LRRIQ1: variants seen among roughly 807,000 people sequenced by gnomAD.
LRRIQ1 encodes leucine rich repeats and IQ motif containing 1, also known as leucine-rich repeat- and IQ domain-containing protein 1.
A neutral mutation model predicts 211.9 loss-of-function variants in LRRIQ1; 210 were observed. The observed-to-expected ratio is 0.99, with a 90% CI of 0.89 to 1.11. LRRIQ1 has a LOEUF of 1.11. Among genes scored for constraint, LRRIQ1 ranks in the 50% most tolerant of loss-of-function variants. The pLI is 0.00. For synonymous variants in LRRIQ1, 699 were observed against 650.1 expected (o/e 1.08, Z -1.14); for missense variants, 2,136 against 1,939.5 (o/e 1.10, Z -1.90).
chr12:85,177,579 A>C (rs1891770005), intron 24 of LRRIQ1, among the ~76,000 whole-genome samples: 1 of 152,126 alleles, frequency 6.6e-6, no homozygotes, highest in African/African-American at 2.4e-5. Context: ...CAAAGAACTG[A>C]AAGAAGGTTG....
At chr12:85,232,492 T>A (rs939920288) in intron 25 of LRRIQ1, among the ~76,000 whole-genome samples, 4 of 152,188 alleles carry the variant, frequency 2.6e-5, no homozygotes, top group African/African-American at 9.6e-5. Flanking sequence ...TTATTAGAAA[T>A]TGAGTTTTAT....
At chr12:85,182,643 C>T (rs1451513712) in intron 24 of LRRIQ1, among the ~76,000 whole-genome samples, 1 of 151,960 alleles carries the variant, frequency 6.6e-6, no homozygotes, top group Non-Finnish European at 1.5e-5. Flanking sequence ...CAATAGAGGC[C>T]CGCACATTGA....
chr12:85,096,249 T>C lies in LRRIQ1; in HGVS notation c.2888-2106T>C, dbSNP rs142192503. Among the ~76,000 whole-genome samples, 890 of 152,268 alleles carry C rather than the reference T, an allele frequency of 5.8e-3. 5 individuals are homozygous for C. Among genetic ancestry groups the C allele is most frequent in the Middle Eastern group, 0.024 (7 of 294 alleles). On this transcript the variant is annotated intron_variant, in intron 11 of 26. Transcript: ENST00000393217. The stretch of plus-strand genomic sequence containing the variant: ...GGTATTCTAGTTCCAGTAGGCATGA[T>C]GTTAAATTGTTAATTTGAGATTTTT...
intron 15 of LRRIQ1, among the ~76,000 whole-genome samples, chr12:85,119,655 T>C (rs1887831095): frequency 6.6e-6 from 1 of 152,220 alleles, no homozygotes; most frequent in Admixed American, 6.5e-5. Context: ...TCTTGCTCTA[T>C]ATCTTCACCA....
At chr12:85,162,798 GTAAAGTA>G (rs1233259513) in intron 24 of LRRIQ1, 3 of 455,676 alleles carry the variant, frequency 6.6e-6, no homozygotes, top group Non-Finnish European at 1.3e-5. Flanking sequence ...TTGGAACCAG[GTAAAGTA>G]CATTTGGCAT....
rs781056317 is a variant in LRRIQ1, at chr12:85,124,515, A to C, written c.4003A>C (p.Lys1335Gln). Residue 1335 changes from lysine to glutamine, a missense_variant, in exon 17 of 27, where the codon AAA (lysine) becomes CAA (glutamine). Physicochemically the swap from Lys to Gln is moderately conservative, Grantham distance 53. Transcript: ENST00000393217. ...TCACCAAAATATTGAGCCTAGTGAA[A>C]AAATGTAAGATATATAAATAATGTT... is the stretch of plus-strand genomic sequence containing the variant. Reference protein sequence around the residue: ...RNHQNIEPSEKIMAAVVIQSY... With the variant: ...RNHQNIEPSEQIMAAVVIQSY... The C allele has an allele frequency of 1.2e-6, 2 of 1,600,826 alleles. No homozygotes were observed. The highest frequency in any genetic ancestry group is 2.7e-5 in the African/African-American group (2 of 74,664).
chr12:85,225,877 T>C (rs1894627225), intron 24 of LRRIQ1, among the ~76,000 whole-genome samples: 1 of 152,222 alleles, frequency 6.6e-6, no homozygotes, highest in Admixed American at 6.5e-5. Context: ...TTTCTCTTCC[T>C]CAGTAACAGG....
At chr12:85,098,253 G>A in intron 11 of LRRIQ1, 102 bp from the exon 12 acceptor site, 1 of 693,718 alleles carries the variant, frequency 1.4e-6, no homozygotes, top group Non-Finnish European at 2.3e-6. Context: ...TAATGATAGT[G>A]AGAAATACAA....
At chr12:85,182,677 A>G (rs1565888751) in intron 24 of LRRIQ1, among the ~76,000 whole-genome samples, 1 of 152,148 alleles carries the variant, frequency 6.6e-6, no homozygotes, top group East Asian at 1.9e-4. Flanking sequence ...TTTTAAGGGA[A>G]TTAATGGCTC....
At chr12:85,084,390 A>G (rs1884604797) in intron 11 of LRRIQ1, among the ~76,000 whole-genome samples, 1 of 152,172 alleles carries the variant, frequency 6.6e-6, no homozygotes, top group Non-Finnish European at 1.5e-5. Flanking sequence ...AATGATGCCT[A>G]CTTTTTCTAT....
At chr12:85,072,181 T>C (rs1565807911) in intron 10 of LRRIQ1, among the ~76,000 whole-genome samples, 1 of 152,024 alleles carries the variant, frequency 6.6e-6, no homozygotes, top group Non-Finnish European at 1.5e-5. Flanking sequence ...TTCATAATTT[T>C]AGGGTTTTTA....
At chr12:85,201,274 A>T (rs1893280164) in intron 24 of LRRIQ1, among the ~76,000 whole-genome samples, 2 of 134,414 alleles carry the variant, frequency 1.5e-5, no homozygotes. Flanking sequence ...AATGTCCCTC[A>T]GGTTTTAGTA....
At chr12:85,254,274 C>T (rs1896027372) in intron 1 of LRRIQ1, among the ~76,000 whole-genome samples, 1 of 152,130 alleles carries the variant, frequency 6.6e-6, no homozygotes, top group Non-Finnish European at 1.5e-5. Flanking sequence ...ATTATGCAGT[C>T]TCAGGTATTG....
intron 8 of LRRIQ1, among the ~76,000 whole-genome samples, chr12:85,061,138 A>G (rs1451628314): frequency 6.6e-6 from 1 of 151,766 alleles, no homozygotes. Context: ...AAGTTCATTC[A>G]TTTATTTATT....
At chr12:85,240,714 C>G (rs186124608) in intron 26 of LRRIQ1, among the ~76,000 whole-genome samples, 3 of 151,996 alleles carry the variant, frequency 2.0e-5, no homozygotes, top group Admixed American at 6.6e-5. Flanking sequence ...CAAATATTTC[C>G]ATCGATCTCA....
intron 19 of LRRIQ1, among the ~76,000 whole-genome samples, chr12:85,147,528 AC>A (rs2136634232): frequency 6.6e-6 from 1 of 151,776 alleles, no homozygotes; most frequent in South Asian, 2.1e-4. Flanking sequence ...CATGTGGCAG[AC>A]CCAACTGTTA....
chr12:85,114,606 T>C (rs1887439627), intron 15 of LRRIQ1, among the ~76,000 whole-genome samples: 1 of 152,188 alleles, frequency 6.6e-6, no homozygotes, highest in African/African-American at 2.4e-5. Context: ...ATTTTACTGC[T>C]TTTGTTGAGT....
chr12:85,261,350 A>G (rs1896281491), intron 1 of LRRIQ1, among the ~76,000 whole-genome samples: 1 of 152,136 alleles, frequency 6.6e-6, no homozygotes, highest in African/African-American at 2.4e-5. Context: ...ATTAAAAACC[A>G]AAATTCAGTA....
chr12:85,063,480 T>C (rs1882087437), intron 8 of LRRIQ1, among the ~76,000 whole-genome samples: 1 of 151,748 alleles, frequency 6.6e-6, no homozygotes, highest in Non-Finnish European at 1.5e-5. Context: ...TGCATAATAA[T>C]CACATTATAG....
Sources: allele counts gnomAD v4.1 joint callset (sites outside exome capture counted in the v4.1 genomes callset), GRCh38; gene constraint gnomAD v4.1.1; transcripts MANE v1.5; gene names NCBI Gene and HGNC (gene_info 2026-07-23, HGNC 2026-07-21).